The following AKAP12 variants were observed in gnomAD, a reference collection of about 807,000 sequenced individuals.
AKAP12 encodes the protein A-kinase anchor protein 12.
Under a neutral mutation model 79.9 loss-of-function variants are expected in AKAP12, and 32 were observed. That is an observed-to-expected ratio of 0.40 (90% CI 0.30 to 0.54). The LOEUF (loss-of-function observed/expected upper bound fraction) is 0.54. Ranked by LOEUF, AKAP12 falls within the 20% of genes least tolerant of loss-of-function variation. The pLI is 0.48. For synonymous variants in AKAP12, 808 were observed against 857.0 expected (o/e 0.94, Z 1.00); for missense variants, 2,074 against 2,177.0 (o/e 0.95, Z 0.94).
At chr6:151,308,654 G>A (rs968508454) in intron 3 of AKAP12, among the ~76,000 whole-genome samples, 2 of 152,162 alleles carry the variant, frequency 1.3e-5, no homozygotes, top group African/African-American at 2.4e-5. Context: ...CTTTTGGGGT[G>A]AGCTTTTGCT....
intron 2 of AKAP12, among the ~76,000 whole-genome samples, chr6:151,259,500 GTATA>G (rs748597733): frequency 0.098 from 11,497 of 117,668 alleles, 654 homozygotes; most frequent in African/African-American, 0.12. Flanking sequence ...ACATATACAT[GTATA>G]TATATATACA....
At chr6:151,278,830 G>T (rs893041527) in intron 2 of AKAP12, among the ~76,000 whole-genome samples, 7 of 152,010 alleles carry the variant, frequency 4.6e-5, no homozygotes, top group African/African-American at 1.7e-4. Flanking sequence ...ACCATGCCCG[G>T]CTAATTTTTT....
At chr6:151,261,186 G>A (rs1223637575) in intron 2 of AKAP12, among the ~76,000 whole-genome samples, 2 of 151,942 alleles carry the variant, frequency 1.3e-5, no homozygotes, top group Admixed American at 1.3e-4. Flanking sequence ...TCAGGAGTTC[G>A]AGGCCAGCCT....
At chr6:151,308,499 C>T (rs1777023195) in intron 3 of AKAP12, among the ~76,000 whole-genome samples, 1 of 152,118 alleles carries the variant, frequency 6.6e-6, no homozygotes, top group Admixed American at 6.5e-5. Context: ...AGACGTGAGC[C>T]ACCGTGACCA....
chr6:151,336,222 G>T (rs1487799572), intron 3 of AKAP12, among the ~76,000 whole-genome samples: 1 of 152,156 alleles, frequency 6.6e-6, no homozygotes, highest in Non-Finnish European at 1.5e-5. Flanking sequence ...AGTGCTGCAA[G>T]AAACATACAA....
At chr6:151,246,852 C>T (rs1237901281) in intron 2 of AKAP12, among the ~76,000 whole-genome samples, 2 of 152,150 alleles carry the variant, frequency 1.3e-5, no homozygotes, top group Admixed American at 1.3e-4. Context: ...GCCTCGACCT[C>T]CTGGGCTCAA....
chr6:151,338,753 A>AGGTTT (rs1477395638), intron 3 of AKAP12, among the ~76,000 whole-genome samples: 2 of 152,142 alleles, frequency 1.3e-5, no homozygotes, highest in African/African-American at 4.8e-5. Flanking sequence ...ACCCGGCCAT[A>AGGTTT]GGTTACTCAT....
intron 3 of AKAP12, chr6:151,324,718 C>T: frequency 1.0e-6 from 1 of 985,388 alleles, no homozygotes. Context: ...AGGGAACAAA[C>T]CCAGGGGACC....
intron 2 of AKAP12, among the ~76,000 whole-genome samples, chr6:151,291,030 A>G (rs1267182426): frequency 2.0e-5 from 3 of 152,154 alleles, no homozygotes; most frequent in East Asian, 3.9e-4. Flanking sequence ...CTCTCTGCAC[A>G]TAAACGGAGC....
chr6:151,314,567 G>C lies in AKAP12; in HGVS notation c.319+8664G>C, dbSNP rs560007811. Among the ~76,000 whole-genome samples the C allele has an allele frequency of 2.6e-4, 39 of 152,214 alleles. No homozygotes were observed. In the South Asian group the frequency reaches 7.1e-3, roughly 28 times the overall value. On this transcript the variant is annotated intron_variant, in intron 3 of 4. Transcript: ENST00000402676. ...ATAGGGATTGGTTATAGCCAGGGAT[G>C]GGGGAAAGAAGTTGGTAAATGCCAT... is the stretch of plus-strand genomic sequence containing the variant.
chr6:151,254,916 T>C (rs970018857), intron 2 of AKAP12, among the ~76,000 whole-genome samples: 1 of 152,140 alleles, frequency 6.6e-6, no homozygotes, highest in African/African-American at 2.4e-5. Flanking sequence ...GGGAAGTAGG[T>C]CATGTTAAAG....
At position 151,293,496 on chromosome 6, in the gene AKAP12, C is replaced by G. The variant is rs1172375892; in HGVS notation, c.163-12251C>G. ...AGAAGTCAAGATGGTAATTAATTTG[C>G]CCAGGACAGCTGGTAGGTGCATCAG... On this transcript the variant is annotated intron_variant, in intron 2 of 4. Coordinates refer to ENST00000402676, the MANE Select transcript of AKAP12 (RefSeq NM_005100.4). Among the ~76,000 whole-genome samples the G allele has an allele frequency of 4.6e-5, 7 of 152,102 alleles. No individual in the cohort carries two copies. In the East Asian group the frequency reaches 1.3e-3, roughly 29 times the overall value.
At chr6:151,255,907 T>G (rs1797283960) in intron 2 of AKAP12, among the ~76,000 whole-genome samples, 1 of 152,224 alleles carries the variant, frequency 6.6e-6, no homozygotes, top group African/African-American at 2.4e-5. Flanking sequence ...ACTTGGGGTC[T>G]TTCTTTGCTG....
At chr6:151,338,679 G>T (rs1364658163) in intron 3 of AKAP12, among the ~76,000 whole-genome samples, 1 of 152,106 alleles carries the variant, frequency 6.6e-6, no homozygotes, top group East Asian at 1.9e-4. Flanking sequence ...TCGAACTCCT[G>T]ACTCCAGGTG....
chr6:151,321,920 T>TTTTCG (rs1777401913), intron 3 of AKAP12, among the ~76,000 whole-genome samples: 1 of 145,738 alleles, frequency 6.9e-6, no homozygotes, highest in Non-Finnish European at 1.5e-5. Context: ...TTTTTTTTTT[T>TTTTCG]TTTTTTTTGA....
chr6:151,330,763 A>G (rs1278971961), intron 3 of AKAP12, among the ~76,000 whole-genome samples: 1 of 152,286 alleles, frequency 6.6e-6, no homozygotes, highest in Admixed American at 6.5e-5. Flanking sequence ...CTAAAAGAAA[A>G]CAATTTATAA....
chr6:151,328,488 T>A (rs1007472442), intron 3 of AKAP12, among the ~76,000 whole-genome samples: 10 of 151,368 alleles, frequency 6.6e-5, no homozygotes, highest in African/African-American at 2.4e-4. Context: ...AATACAAAAA[T>A]TAGCTGGACG....
At chr6:151,274,948 A>G (rs7739478) in intron 2 of AKAP12, among the ~76,000 whole-genome samples, 76,526 of 151,736 alleles carry the variant, frequency 0.5, 19,394 homozygotes, top group Admixed American at 0.56. Context: ...TACAAAAAAT[A>G]TAAAAATTAA....
At chr6:151,341,955 G>A (rs1476297260) in intron 3 of AKAP12, among the ~76,000 whole-genome samples, 1 of 152,240 alleles carries the variant, frequency 6.6e-6, no homozygotes, top group Non-Finnish European at 1.5e-5. Flanking sequence ...CCCAGCCCTA[G>A]AAAGGAAAGG....
Sources: gnomAD v4.1 joint callset for allele counts (sites outside exome capture counted in the v4.1 genomes callset) on GRCh38, gnomAD v4.1.1 for gene constraint, MANE v1.5 for transcripts, NCBI Gene and HGNC (gene_info 2026-07-23, HGNC 2026-07-21) for gene names.